Variants in ZNF485 observed in about 807,000 individuals in gnomAD.
ZNF485 encodes the protein zinc finger protein 485, also known as Zinc finger protein 93 (Zinc finger protein HTF34).
ZNF485 carries 9 observed loss-of-function variants against 10.8 expected under a neutral mutation model. The ratio of observed to expected loss-of-function variants is 0.83; its 90% CI spans 0.50 to 1.45. The LOEUF (loss-of-function observed/expected upper bound fraction) is 1.45. ZNF485 is among the 40% of genes most tolerant of loss of function. ZNF485 has a pLI of 0.00. For missense variants in ZNF485, 487 were observed against 528.0 expected, an observed-to-expected ratio of 0.92 and a Z score of 0.76; for synonymous variants, 187 against 181.0, an observed-to-expected ratio of 1.03 and a Z score of -0.27.
chr10:43,617,122 G>T lies in ZNF485; in HGVS notation c.1079G>T (p.Gly360Val). Residue 360 changes from glycine (G) to valine (V), a missense_variant, in exon 5 of 5, where the codon GGG (glycine) becomes GTG (valine). Transcript: ENST00000361807. ...AAACCGTATCAGTGTCGTGACTGTG[G>T]GAAGGCCTTTACAAAGAGCTCAACC... ...GNKPYQCRDC[G>V]KAFTKSSTLT... 6.2e-7 allele frequency: 1 copy of T among 1,614,168 alleles called. No homozygotes were observed. The highest frequency in any genetic ancestry group is 8.5e-7 in the Non-Finnish European group (1 of 1,180,018).
intron 4 of ZNF485, among the ~76,000 whole-genome samples, chr10:43,612,131 T>C (rs1838779355): frequency 6.6e-6 from 1 of 152,240 alleles, no homozygotes; most frequent in Admixed American, 6.5e-5. Context: ...CTGAATTTTA[T>C]TAAATGCCTT....
At chr10:43,609,899 T>A (rs1206581566) in intron 4 of ZNF485, among the ~76,000 whole-genome samples, 3 of 152,174 alleles carry the variant, frequency 2.0e-5, no homozygotes, top group Non-Finnish European at 4.4e-5. Flanking sequence ...TAGTCACGGC[T>A]GGTCTCGAAC....
chr10:43,608,533 G>A (rs767817882), intron 2 of ZNF485, 81 bp from the exon 3 acceptor site: 5 of 1,522,052 alleles, frequency 3.3e-6, no homozygotes, highest in African/African-American at 1.4e-5. Context: ...TCAGAAGCTG[G>A]CTTTGACCAC....
At chr10:43,612,920 C>T (rs1007199074) in intron 4 of ZNF485, among the ~76,000 whole-genome samples, 1 of 151,998 alleles carries the variant, frequency 6.6e-6, no homozygotes, top group African/African-American at 2.4e-5. Context: ...TTTCTTCTTT[C>T]TTACTGATGT....
chr10:43,610,725 G>GT lies in ZNF485; in HGVS notation c.247+1384dup, dbSNP rs199774289. On this transcript the variant is annotated intron_variant, in intron 4 of 4. Transcript: ENST00000361807. ...ACTTCACAACCAGTCAGTATTTTATGTTTTTTTTTGTGTGTGTATATTTCC... is the reference window on the plus strand; with the variant it reads ...ACTTCACAACCAGTCAGTATTTTATGTTTTTTTTTTGTGTGTGTATATTTCC... Among the ~76,000 whole-genome samples the GT allele has an allele frequency of 6.0e-3, 906 of 151,292 alleles. 3 individuals are homozygous for GT. The highest frequency in any genetic ancestry group is 0.02 in the South Asian group (96 of 4,762).
Position 43,616,295 on chromosome 10 carries a change from G to A in ZNF485, c.252G>A (p.Glu84=), listed in dbSNP as rs753145415. ...ATTTTTAAAATTTTCTTTCAGTCGA[G>A]GATTACTGGTTTGAAACAAAGATGT... The part of the protein sequence containing the change: ...REAPSGTHAV[E]DYWFETKMSA... Residue 84 remains glutamate (E), a synonymous_variant, in exon 5 of 5, where the codon GAG becomes GAA. Coordinates refer to ENST00000361807, the MANE Select transcript of ZNF485 (RefSeq NM_145312.4). 2 of 1,557,806 alleles carry A rather than the reference G, an allele frequency of 1.3e-6. No homozygotes were observed. The highest frequency in any genetic ancestry group is 8.6e-7 in the Non-Finnish European group (1 of 1,156,192).
chr10:43,611,198 G>C (rs952488271), intron 4 of ZNF485, among the ~76,000 whole-genome samples: 2 of 151,734 alleles, frequency 1.3e-5, no homozygotes, highest in Non-Finnish European at 2.9e-5. Flanking sequence ...ACCACACCTG[G>C]CTAAATTTTT....
rs982234405 is a variant in ZNF485 at position 43,617,462 on chromosome 10, C to G, written c.*93C>G. ...CATTTAACAGAAATACTCTGTACTT[C>G]TGAGAGAACACATCACTTGTGAGGA... On this transcript the variant is annotated 3_prime_UTR_variant, in exon 5 of 5. Transcript: ENST00000361807. The G allele has an allele frequency of 3.3e-6, 3 of 906,916 alleles. No homozygotes were observed. The African/African-American group carries it at 5.0e-5, about 15-fold the overall frequency. The allele number at this position is 906,916 out of a possible 1,614,324, so 56.2% of individuals were successfully genotyped here. A position where few individuals can be genotyped will look rare whatever the true frequency, so the allele number is the denominator to read the frequency against.
At chr10:43,613,822 CT>C (rs1838807725) in intron 4 of ZNF485, among the ~76,000 whole-genome samples, 1 of 152,218 alleles carries the variant, frequency 6.6e-6, no homozygotes, top group African/African-American at 2.4e-5. Flanking sequence ...CTGGCTAGCA[CT>C]TCCTGTGGTC....
At chr10:43,614,893 T>C (rs17154020) in intron 4 of ZNF485, among the ~76,000 whole-genome samples, 12,483 of 152,230 alleles carry the variant, frequency 0.082, 668 homozygotes, top group African/African-American at 0.15. Context: ...TAATGCAGAA[T>C]CTCCTCTTCC....
At chr10:43,614,342 GTTA>G (rs963314534) in intron 4 of ZNF485, among the ~76,000 whole-genome samples, 6 of 152,172 alleles carry the variant, frequency 3.9e-5, no homozygotes, top group Admixed American at 1.3e-4. Context: ...GTTACTGACT[GTTA>G]ATGGTCTTGA....
intron 4 of ZNF485, among the ~76,000 whole-genome samples, chr10:43,610,650 C>T (rs972611895): frequency 6.6e-5 from 10 of 152,082 alleles, no homozygotes; most frequent in African/African-American, 2.4e-4. Flanking sequence ...CAATGTTTCC[C>T]CTAATATTTC....
At chr10:43,607,391 G>T (rs1838672302) in intron 2 of ZNF485, 4 of 452,628 alleles carry the variant, frequency 8.8e-6, no homozygotes, top group Non-Finnish European at 1.2e-5. Flanking sequence ...TTGACCTTTA[G>T]TGTGTGGTAG....
intron 4 of ZNF485, among the ~76,000 whole-genome samples, chr10:43,614,868 TC>T (rs1838826617): frequency 6.6e-6 from 1 of 152,194 alleles, no homozygotes; most frequent in Non-Finnish European, 1.5e-5. Context: ...ATATTTTTTT[TC>T]TCCTAAAATG....
chr10:43,608,524 C>T, intron 2 of ZNF485, 90 bp from the exon 3 acceptor site: 1 of 1,499,818 alleles, frequency 6.7e-7, no homozygotes. Flanking sequence ...TTGGAACTGT[C>T]AGAAGCTGGC....
At chr10:43,615,592 G>T (rs1838842174) in intron 4 of ZNF485, among the ~76,000 whole-genome samples, 2 of 152,156 alleles carry the variant, frequency 1.3e-5, no homozygotes, top group Non-Finnish European at 2.9e-5. Context: ...AGTAGAGACA[G>T]GGTTTTGCCA....
At position 43,608,697 on chromosome 10, in the gene ZNF485, C is replaced by G. The variant is rs781469962; in HGVS notation, c.108C>G (p.Tyr36Ter). The change falls in exon 3 of 5, where the codon TAC (tyrosine) becomes TAG (stop). Residue 36 changes from tyrosine to a stop codon, truncating the protein, a stop_gained. Transcript: ENST00000361807. LOFTEE classifies it high-confidence loss of function. Reference protein sequence around the residue: ...RHLDAAQRALYRDVMLENYGN... With the variant: ...RHLDAAQRAL Reference sequence around the variant, plus strand: ...TGGATGCTGCTCAGCGGGCCCTGTACAGGGATGTGATGCTGGAGAACTATG... The same window carrying G: ...TGGATGCTGCTCAGCGGGCCCTGTAGAGGGATGTGATGCTGGAGAACTATG... 1.9e-6 allele frequency: 3 copies of G among 1,614,082 alleles called. No individual in the cohort carries two copies. The Admixed American group carries it at 5.0e-5, about 27-fold the overall frequency.
intron 4 of ZNF485, among the ~76,000 whole-genome samples, chr10:43,611,270 T>G (rs1262325862): frequency 6.6e-6 from 1 of 152,054 alleles, no homozygotes; most frequent in Non-Finnish European, 1.5e-5. Context: ...ATCTCGCTAT[T>G]TTGCCCAGGC....
chr10:43,613,979 T>C (rs929385108), intron 4 of ZNF485, among the ~76,000 whole-genome samples: 23 of 152,136 alleles, frequency 1.5e-4, no homozygotes, highest in African/African-American at 4.6e-4. Flanking sequence ...TTTGGGAGGC[T>C]GAGGTGGGCG....
Sources: allele counts gnomAD v4.1 joint callset (sites outside exome capture counted in the v4.1 genomes callset), GRCh38; gene constraint gnomAD v4.1.1; transcripts MANE v1.5; gene names NCBI Gene and HGNC (gene_info 2026-07-23, HGNC 2026-07-21).